Variants in DLG1 observed in about 807,000 individuals in gnomAD.
DLG1 encodes the protein discs large MAGUK scaffold protein 1, also known as disks large homolog 1.
Under a neutral mutation model 123.4 loss-of-function variants are expected in DLG1, and 42 were observed. The observed-to-expected ratio is 0.34, with a 90% confidence interval of 0.27 to 0.44. The LOEUF is 0.44. DLG1 is among the 20% of genes least tolerant of loss of function. The pLI, the probability that DLG1 is intolerant of heterozygous loss-of-function variation, is 1.00. For synonymous variants in DLG1, 317 were observed against 356.2 expected, an observed-to-expected ratio of 0.89 and a Z score of 1.24; for missense variants, 942 against 1,082.6, an observed-to-expected ratio of 0.87 and a Z score of 1.82.
intron 4 of DLG1, among the ~76,000 whole-genome samples, chr3:197,220,917 A>C (rs1005149384): frequency 6.6e-6 from 1 of 152,232 alleles, no homozygotes; most frequent in African/African-American, 2.4e-5. Context: ...TTAATATCAA[A>C]AGGCATTTAA....
chr3:197,169,880 T>C (rs935305042), intron 5 of DLG1, among the ~76,000 whole-genome samples: 1 of 152,118 alleles, frequency 6.6e-6, no homozygotes, highest in Non-Finnish European at 1.5e-5. Context: ...TAGTACCCAT[T>C]TAGTTATTTT....
intron 2 of DLG1, among the ~76,000 whole-genome samples, 154 bp from the exon 3 acceptor site, chr3:197,296,631 T>A (rs1301438500): frequency 1.3e-5 from 2 of 151,648 alleles, no homozygotes; most frequent in African/African-American, 4.8e-5. Flanking sequence ...TTCCTTAGAA[T>A]GACCAAAAAA....
chr3:197,253,291 TAC>T (rs551972254), intron 4 of DLG1, among the ~76,000 whole-genome samples: 9 of 152,182 alleles, frequency 5.9e-5, no homozygotes, highest in African/African-American at 2.2e-4. Flanking sequence ...CCAAAAAAGA[TAC>T]ACAGATGGCA....
intron 3 of DLG1, among the ~76,000 whole-genome samples, chr3:197,284,975 T>C (rs1771121353): frequency 6.6e-6 from 1 of 150,402 alleles, no homozygotes; most frequent in Non-Finnish European, 1.5e-5. Context: ...AAAATCAAAC[T>C]TGAAGAAAAG....
intron 4 of DLG1, among the ~76,000 whole-genome samples, chr3:197,273,690 A>T (rs1764951341): frequency 6.6e-6 from 1 of 152,040 alleles, no homozygotes; most frequent in Non-Finnish European, 1.5e-5. Context: ...AATAAGATAA[A>T]CACTGAAGGG....
At chr3:197,232,863 C>T (rs1477915200) in intron 4 of DLG1, among the ~76,000 whole-genome samples, 1 of 151,860 alleles carries the variant, frequency 6.6e-6, no homozygotes, top group Non-Finnish European at 1.5e-5. Flanking sequence ...ATAAGGGGCA[C>T]CTACAAAAAA....
chr3:197,193,071 A>G (rs746498173), intron 5 of DLG1, among the ~76,000 whole-genome samples: 2 of 152,194 alleles, frequency 1.3e-5, no homozygotes, highest in Non-Finnish European at 2.9e-5. Context: ...CAGTAGTATG[A>G]TATCACTCCT....
At chr3:197,084,761 A>G (rs547538548) in intron 16 of DLG1, among the ~76,000 whole-genome samples, 1 of 151,502 alleles carries the variant, frequency 6.6e-6, no homozygotes. Flanking sequence ...TTTTATGTGT[A>G]TATTTTATAT....
chr3:197,172,679 T>C (rs560174946), intron 5 of DLG1, among the ~76,000 whole-genome samples: 1 of 152,308 alleles, frequency 6.6e-6, no homozygotes, highest in Admixed American at 6.5e-5. Flanking sequence ...TAGTAGACAT[T>C]GCTAAAAGGT....
chr3:197,284,662 A>T (rs1329691626), intron 3 of DLG1, among the ~76,000 whole-genome samples: 1 of 152,240 alleles, frequency 6.6e-6, no homozygotes. Flanking sequence ...TACCCTGCGA[A>T]AAATTATTTT....
intron 17 of DLG1, among the ~76,000 whole-genome samples, chr3:197,078,806 C>T (rs188243164): frequency 6.6e-6 from 1 of 152,150 alleles, no homozygotes; most frequent in East Asian, 1.9e-4. Flanking sequence ...TCTGATACAA[C>T]TGATGTGTTT....
At chr3:197,261,705 A>G (rs1257435614) in intron 4 of DLG1, among the ~76,000 whole-genome samples, 1 of 152,226 alleles carries the variant, frequency 6.6e-6, no homozygotes, top group Non-Finnish European at 1.5e-5. Context: ...GAGTTAATAC[A>G]TAGATACCAT....
chr3:197,048,545 A>G (rs1725000867), intron 24 of DLG1, among the ~76,000 whole-genome samples: 1 of 152,226 alleles, frequency 6.6e-6, no homozygotes, highest in Non-Finnish European at 1.5e-5. Context: ...GATAAGAGAT[A>G]ACAAGTAGGC....
At chr3:197,172,432 G>C (rs1804700038) in intron 5 of DLG1, among the ~76,000 whole-genome samples, 2 of 151,930 alleles carry the variant, frequency 1.3e-5, no homozygotes, top group Admixed American at 1.3e-4. Flanking sequence ...CTGCATTTTG[G>C]ATAATTATAT....
At chr3:197,140,072 T>C (rs1293204124) in intron 8 of DLG1, 68 bp downstream of exon 8, 4 of 1,550,746 alleles carry the variant, frequency 2.6e-6, no homozygotes, top group Non-Finnish European at 2.6e-6. Context: ...ATTTATCCCT[T>C]ATCCAGTCTG....
In DLG1 at chr3:197,127,912, T is replaced by G. The variant is rs1780609303; in HGVS notation, c.1165+2615A>C. 4.5e-5 allele frequency among the ~76,000 whole-genome samples: 3 copies of G among 67,124 alleles called. No homozygotes were observed. In the South Asian group the frequency reaches 1.7e-3, roughly 38 times the overall value. 44.0% of individuals were successfully genotyped at this position (67,124 alleles called of 152,430 possible). ...AGGCCTTAATTTAAAAATACTTTATTGCTAAAAAAAAACCGCTAGCAATCA... is the reference window on the plus strand; with the variant it reads ...AGGCCTTAATTTAAAAATACTTTATGGCTAAAAAAAAACCGCTAGCAATCA... On this transcript the variant is annotated intron_variant, in intron 11 of 24. Coordinates refer to ENST00000667157, the MANE Select transcript of DLG1 (RefSeq NM_001366207.1).
chr3:197,261,061 CA>C (rs930995813), intron 4 of DLG1, among the ~76,000 whole-genome samples: 3 of 151,670 alleles, frequency 2.0e-5, no homozygotes, highest in Non-Finnish European at 2.9e-5. Flanking sequence ...CCCCACACAC[CA>C]AAAAAAACCA....
chr3:197,211,326 A>T (rs1731156720), intron 4 of DLG1, among the ~76,000 whole-genome samples: 1 of 146,444 alleles, frequency 6.8e-6, no homozygotes. Flanking sequence ...AAAACCTGGC[A>T]GAGACACAAC....
chr3:197,241,290 A>G (rs1438047909), intron 4 of DLG1, among the ~76,000 whole-genome samples: 3 of 152,142 alleles, frequency 2.0e-5, no homozygotes, highest in Non-Finnish European at 4.4e-5. Context: ...ATCCAGGAAT[A>G]TCCTTGTCCA....
Sources: gnomAD v4.1 joint callset for allele counts (sites outside exome capture counted in the v4.1 genomes callset) on GRCh38, gnomAD v4.1.1 for gene constraint, MANE v1.5 for transcripts, NCBI Gene and HGNC (gene_info 2026-07-23, HGNC 2026-07-21) for gene names.